Variants in TUBGCP5 observed in about 807,000 individuals in gnomAD.
TUBGCP5 encodes the protein gamma-tubulin complex component 5.
In TUBGCP5, 98 loss-of-function variants were observed where a neutral mutation model predicts 134.7. The observed-to-expected ratio is 0.73, with a 90% CI of 0.62 to 0.86. The LOEUF (loss-of-function observed/expected upper bound fraction) is 0.86. Ranked by LOEUF, TUBGCP5 falls within the 40% of genes least tolerant of loss-of-function variation. TUBGCP5 has a pLI of 0.00. For synonymous variants in TUBGCP5, 456 were observed against 431.4 expected, an observed-to-expected ratio of 1.06 and a Z score of -0.71; for missense variants, 1,150 against 1,244.8, an observed-to-expected ratio of 0.92 and a Z score of 1.15.
intron 3 of TUBGCP5, among the ~76,000 whole-genome samples, chr15:23,034,263 G>A (rs1056599609): frequency 6.6e-6 from 1 of 152,120 alleles, no homozygotes; most frequent in Non-Finnish European, 1.5e-5. Flanking sequence ...AGAGTCCTGG[G>A]CTCAGGTGTC....
intron 1 of TUBGCP5, 100 bp from the exon 2 acceptor site, chr15:23,037,252 TAC>T: frequency 9.0e-7 from 1 of 1,114,996 alleles, no homozygotes; most frequent in Non-Finnish European, 1.3e-6. Flanking sequence ...TGTACTCAGC[TAC>T]ACATTTCCAG....
chr15:23,033,920 A>G (rs1323701134), intron 3 of TUBGCP5, among the ~76,000 whole-genome samples: 1 of 151,932 alleles, frequency 6.6e-6, no homozygotes, highest in Non-Finnish European at 1.5e-5. Context: ...TATTTATATG[A>G]TTGATTTTTA....
chr15:23,016,967 G>GATATATATATATATAT (rs1432048816), intron 13 of TUBGCP5, among the ~76,000 whole-genome samples: 2 of 60,898 alleles, frequency 3.3e-5, no homozygotes, highest in African/African-American at 9.6e-5. Flanking sequence ...AAAAAATTGT[G>GATATATATATATATAT]AGATATATAT....
rs967789993 is a variant in TUBGCP5 at position 23,006,371 on chromosome 15, G to A, written c.2328-19C>T. ...AGATAGACTAAAGAAAGAAATTCCA[G>A]TTTTAGTTTGTGAAAGCACTATGTC... On this transcript the variant is annotated intron_variant, in intron 16 of 22. Transcript: ENST00000615383. The A allele has an allele frequency of 1.3e-6, 2 of 1,565,706 alleles. No individual in the cohort carries two copies. The highest frequency in any genetic ancestry group is 3.9e-5 in the Admixed American group (2 of 50,908).
intron 9 of TUBGCP5, chr15:23,024,479 T>C (rs1430278589): frequency 2.3e-6 from 1 of 434,940 alleles, no homozygotes; most frequent in Non-Finnish European, 4.0e-6. Context: ...CAATACAGAA[T>C]GACAAATAAA....
intron 14 of TUBGCP5, among the ~76,000 whole-genome samples, chr15:23,010,748 G>A (rs1567119290): frequency 1.3e-5 from 2 of 152,132 alleles, no homozygotes; most frequent in African/African-American, 2.4e-5. Context: ...GGAGGCCGAG[G>A]TGGGCAGATC....
At chr15:22,994,214 G>A (rs1287214761), downstream of TUBGCP5, among the ~76,000 whole-genome samples, 1 of 151,972 alleles carries the variant, frequency 6.6e-6, no homozygotes, top group Non-Finnish European at 1.5e-5. Flanking sequence ...CAGCCTCCCA[G>A]GTAGCTGGGA....
rs542495412 is a variant in TUBGCP5 at position 23,011,246 on chromosome 15, A to G, written c.1842T>C (p.Val614=). ...CCTTGGTTGCCTGTTGCTCAGTAAG[A>G]ACCTGTGGAGTGGAATCTTCTCCAT... is the stretch of plus-strand genomic sequence containing the variant. ...LRHGEDSTPQ[V]LTEQQATKEN... is the part of the protein sequence containing the mutation. Residue 614 remains valine, a synonymous_variant, in exon 14 of 23, where the codon GTT becomes GTC. Coordinates refer to ENST00000615383, the MANE Select transcript of TUBGCP5 (RefSeq NM_052903.6). 26 of 1,613,934 alleles carry G rather than the reference A, an allele frequency of 1.6e-5. No individual in the cohort carries two copies. The South Asian group carries it at 2.2e-4, about 14-fold the overall frequency.
At chr15:23,009,857 AAAATTG>A (rs1159912001) in intron 15 of TUBGCP5, 82 bp downstream of exon 15, 1 of 1,251,826 alleles carries the variant, frequency 8.0e-7, no homozygotes, top group Non-Finnish European at 1.1e-6. Flanking sequence ...TACTCTAATA[AAAATTG>A]AAATAGGTTT....
intron 12 of TUBGCP5, among the ~76,000 whole-genome samples, chr15:23,018,625 T>C (rs1432109052): frequency 6.6e-6 from 1 of 152,220 alleles, no homozygotes; most frequent in Non-Finnish European, 1.5e-5. Context: ...GCTCAATGGA[T>C]AGCTATCAAT....
Position 23,036,853 on chromosome 15 carries a change from A to G in TUBGCP5, c.309+44T>C, listed in dbSNP as rs566129764. 24 of 1,260,902 alleles carry G rather than the reference A, an allele frequency of 1.9e-5. No homozygotes were observed. The East Asian group carries it at 5.1e-4, about 27-fold the overall frequency. The allele number at this position is 1,260,902 out of a possible 1,614,324, so 78.1% of individuals were successfully genotyped here. On this transcript the variant is annotated intron_variant, in intron 3 of 22. Coordinates refer to ENST00000615383, the MANE Select transcript of TUBGCP5 (RefSeq NM_052903.6). ...AACAAATTGACGATAATCAGATAGG[A>G]AACAGTAAAATACACAGTGGAGATC...
In TUBGCP5 at chr15:23,017,803, C is replaced by T. The variant is rs778607686; in HGVS notation, c.1726G>A (p.Glu576Lys). Residue 576 changes from glutamate (E) to lysine (K), a missense_variant, in exon 13 of 23, where the codon GAG (glutamate) becomes AAG (lysine). By Grantham distance (56) the Glu-to-Lys change is moderately conservative. Transcript: ENST00000615383. ...MQLLKNLQCA[E>K]STTCQAGARD... ...GCTCCTGCCTGGCAGGTGGTGCTCT[C>T]CGCACACTGCAGGTTCTTCAGCAGC... The T allele has an allele frequency of 6.2e-7, 1 of 1,613,800 alleles. No individual in the cohort carries two copies. Among genetic ancestry groups the T allele is most frequent in the African/African-American group, 1.3e-5 (1 of 74,910 alleles).
At chr15:23,005,395 C>G in intron 19 of TUBGCP5, 37 bp downstream of exon 19, 2 of 1,604,818 alleles carry the variant, frequency 1.2e-6, no homozygotes, top group South Asian at 1.1e-5. Flanking sequence ...TGTATAGATA[C>G]GACGATAGAA....
chr15:23,021,779 C>T (rs1487637105), intron 11 of TUBGCP5, among the ~76,000 whole-genome samples, 180 bp downstream of exon 11: 1 of 152,160 alleles, frequency 6.6e-6, no homozygotes, highest in Non-Finnish European at 1.5e-5. Context: ...TTCTGAGGAT[C>T]TTGGCAATTA....
In TUBGCP5 at chr15:23,036,974, G is replaced by T. The variant is rs1029868810; in HGVS notation, c.232C>A (p.Leu78Ile). The T allele has an allele frequency of 1.9e-6, 3 of 1,608,018 alleles. No individual in the cohort carries two copies. In the African/African-American group the frequency reaches 4.0e-5, roughly 22 times the overall value. The change falls in exon 3 of 23, where the codon CTA becomes ATA. Residue 78 changes from leucine (L) to isoleucine (I), a missense_variant. By Grantham distance (5) the Leu-to-Ile change is conservative. Around this residue, in one of 2 missense-constraint regions of TUBGCP5, gnomAD observed 453 missense variants for 394.7 expected, o/e 1.15. Coordinates refer to ENST00000615383, the MANE Select transcript of TUBGCP5 (RefSeq NM_052903.6). ...IYEKFVIHSD[L>I]SKAASWKRLT... Reference sequence around the variant, plus strand: ...CTCTTCCAACTAGCAGCTTTGCTTAGATCAGAATGAATGACAAATTTTTCA... The same window carrying T: ...CTCTTCCAACTAGCAGCTTTGCTTATATCAGAATGAATGACAAATTTTTCA...
In TUBGCP5 at chr15:22,988,463, G is replaced by A. The variant is rs866168798; in HGVS notation, c.*62-4852C>T. Among the ~76,000 whole-genome samples, 10 of 151,920 alleles carry A rather than the reference G, an allele frequency of 6.6e-5. No homozygotes were observed. The South Asian group carries it at 1.9e-3, about 28-fold the overall frequency. ...TATCTGGTTTTTTTGGCCGGTTGCG[G>A]TGGCTGAAGCCTGTAATCCCAGCAC... On this transcript the variant is annotated intron_variant and NMD_transcript_variant, in intron 23 of 23. Coordinates refer to the TUBGCP5 transcript ENST00000614508.
intron 13 of TUBGCP5, among the ~76,000 whole-genome samples, chr15:23,016,969 G>GATATATATATATATATAT (rs57631069): frequency 0.038 from 4,174 of 108,936 alleles, 279 homozygotes; most frequent in Non-Finnish European, 0.046. Context: ...AAAATTGTGA[G>GATATATATATATATATAT]ATATATATAT....
downstream of TUBGCP5, among the ~76,000 whole-genome samples, chr15:22,996,118 A>C (rs899667578): frequency 2.0e-5 from 3 of 152,234 alleles, no homozygotes; most frequent in Non-Finnish European, 4.4e-5. Context: ...TCTTGGATAA[A>C]TACCTAAGGG....
rs765216287 is a variant in TUBGCP5, at chr15:23,031,920, A to G, written c.486+30T>C. ...TCTATATCACCTGGCGTGTATTTCA[A>G]TTTTCAATAGCAAAACTACTACCAC... is the stretch of plus-strand genomic sequence containing the variant. On this transcript the variant is annotated intron_variant, in intron 5 of 22. Transcript: ENST00000615383. The G allele has an allele frequency of 1.3e-4, 199 of 1,572,072 alleles. 2 individuals carry two copies. The highest frequency in any genetic ancestry group is 3.4e-4 in the Middle Eastern group (2 of 5,942).
Sources: gnomAD v4.1 joint callset for allele counts (sites outside exome capture counted in the v4.1 genomes callset) on GRCh38, gnomAD v4.1.1 for gene constraint, gnomAD v4.1.1 regional missense constraint, MANE v1.5 for transcripts, NCBI Gene and HGNC (gene_info 2026-07-23, HGNC 2026-07-21) for gene names.